The following THSD7B variants were observed in gnomAD, a reference collection of about 807,000 sequenced individuals.
THSD7B encodes thrombospondin type-1 domain-containing protein 7B.
In THSD7B, 138 loss-of-function variants were observed where a neutral mutation model predicts 213.6. That is an observed-to-expected ratio of 0.65 (90% CI 0.56 to 0.74). The LOEUF (loss-of-function observed/expected upper bound fraction) is 0.74. Ranked by LOEUF, THSD7B falls within the 30% of genes least tolerant of loss-of-function variation. THSD7B has a pLI of 0.00. For synonymous variants in THSD7B, 742 were observed against 687.0 expected (o/e 1.08, Z -1.25); for missense variants, 1,931 against 1,991.5 (o/e 0.97, Z 0.58).
intron 15 of THSD7B, among the ~76,000 whole-genome samples, chr2:137,514,289 C>T (rs938149392): frequency 6.6e-6 from 1 of 152,098 alleles, no homozygotes. Context: ...TCCGGGTGGG[C>T]ACCATCTAAT....
At chr2:137,520,222 A>G (rs1397311919) in intron 15 of THSD7B, among the ~76,000 whole-genome samples, 1 of 152,140 alleles carries the variant, frequency 6.6e-6, no homozygotes, top group East Asian at 1.9e-4. Context: ...CTACAGAGGA[A>G]AAAAAAGCTC....
intron 2 of THSD7B, among the ~76,000 whole-genome samples, chr2:137,028,177 G>A (rs988118650): frequency 2.6e-5 from 4 of 152,078 alleles, no homozygotes; most frequent in Non-Finnish European, 5.9e-5. Context: ...CAATGCAGTC[G>A]TCTGGATTCA....
At chr2:137,506,300 A>G (rs1679833524) in intron 15 of THSD7B, among the ~76,000 whole-genome samples, 1 of 152,220 alleles carries the variant, frequency 6.6e-6, no homozygotes, top group African/African-American at 2.4e-5. Context: ...CTCTTCTTCA[A>G]AAACTTCACC....
chr2:137,448,833 C>CAAAAA (rs1341459287), intron 14 of THSD7B, among the ~76,000 whole-genome samples: 1 of 148,976 alleles, frequency 6.7e-6, no homozygotes. Context: ...ACAACAACAA[C>CAAAAA]AACAAAAACT....
rs541633068 is a variant in THSD7B, at chr2:137,583,515, A to G, written c.3423+10959A>G. On this transcript the variant is annotated intron_variant, in intron 17 of 27. Transcript: ENST00000409968. ...AAATCCATCTTGAATTAATTTTTGT[A>G]TAAGGTGTGAGGAAGGGATCCAGTT... Among the ~76,000 whole-genome samples the G allele has an allele frequency of 1.4e-4, 21 of 152,294 alleles. No individual in the cohort carries two copies. The South Asian group carries it at 3.1e-3, about 23-fold the overall frequency.
chr2:136,901,279 GC>G (rs1226164506), intron 2 of THSD7B, among the ~76,000 whole-genome samples: 1 of 152,226 alleles, frequency 6.6e-6, no homozygotes, highest in Admixed American at 6.5e-5. Context: ...TCGGAGGGCT[GC>G]CATTTAATGA....
intron 12 of THSD7B, among the ~76,000 whole-genome samples, chr2:137,279,862 A>G (rs1231083651): frequency 6.6e-6 from 1 of 152,162 alleles, no homozygotes; most frequent in Non-Finnish European, 1.5e-5. Context: ...TTGTAGATGT[A>G]ATTAATTTAA....
intron 12 of THSD7B, among the ~76,000 whole-genome samples, chr2:137,401,937 G>A (rs1043026828): frequency 2.0e-5 from 3 of 152,038 alleles, no homozygotes; most frequent in East Asian, 3.9e-4. Flanking sequence ...CACCAAATCC[G>A]GCGAAGATGC....
chr2:137,181,018 A>C (rs1680443019), intron 7 of THSD7B, among the ~76,000 whole-genome samples: 1 of 152,170 alleles, frequency 6.6e-6, no homozygotes, highest in Non-Finnish European at 1.5e-5. Context: ...GTACAACGAA[A>C]ACATAAAGCC....
At chr2:136,775,056 G>A (rs1006258986) in intron 1 of THSD7B, among the ~76,000 whole-genome samples, 8 of 152,048 alleles carry the variant, frequency 5.3e-5, no homozygotes, top group Middle Eastern at 3.2e-3. Flanking sequence ...TCTACCTATG[G>A]AGATATGACA....
At chr2:137,590,791 A>ATTTTTTTT (rs1573730097) in intron 17 of THSD7B, among the ~76,000 whole-genome samples, 2 of 96,942 alleles carry the variant, frequency 2.1e-5, no homozygotes, top group African/African-American at 7.9e-5. Context: ...GCTTTGAAAT[A>ATTTTTTTT]GTTTTTTTTT....
At chr2:137,385,315 G>A (rs1212362767) in intron 12 of THSD7B, among the ~76,000 whole-genome samples, 1 of 152,234 alleles carries the variant, frequency 6.6e-6, no homozygotes, top group East Asian at 1.9e-4. Flanking sequence ...TGAAATAATT[G>A]CAGTGGAGTG....
intron 14 of THSD7B, among the ~76,000 whole-genome samples, chr2:137,424,996 C>T (rs1037910744): frequency 6.6e-5 from 10 of 151,120 alleles, no homozygotes; most frequent in Admixed American, 3.3e-4. Flanking sequence ...GGCGTGAACC[C>T]GGGAGGCGGA....
At chr2:137,295,945 T>A (rs555962308) in intron 12 of THSD7B, among the ~76,000 whole-genome samples, 4 of 152,258 alleles carry the variant, frequency 2.6e-5, no homozygotes, top group Non-Finnish European at 5.9e-5. Flanking sequence ...CTGACCTCTT[T>A]CACTCACAGA....
At chr2:137,543,090 A>G (rs866600661) in intron 15 of THSD7B, among the ~76,000 whole-genome samples, 2 of 151,716 alleles carry the variant, frequency 1.3e-5, no homozygotes, top group African/African-American at 4.8e-5. Flanking sequence ...CACTTTTAGA[A>G]GCTGCCAGTG....
At chr2:137,361,222 G>A (rs1225106164) in intron 12 of THSD7B, among the ~76,000 whole-genome samples, 1 of 152,086 alleles carries the variant, frequency 6.6e-6, no homozygotes, top group African/African-American at 2.4e-5. Flanking sequence ...AACCCCATCT[G>A]TACGTCACCA....
intron 12 of THSD7B, among the ~76,000 whole-genome samples, chr2:137,337,450 G>A (rs1310422519): frequency 1.3e-5 from 2 of 152,102 alleles, no homozygotes; most frequent in Admixed American, 1.3e-4. Flanking sequence ...CGAATCAGAA[G>A]TTACATGATA....
At chr2:137,071,451 A>G (rs1687486823) in intron 3 of THSD7B, among the ~76,000 whole-genome samples, 1 of 151,990 alleles carries the variant, frequency 6.6e-6, no homozygotes, top group Non-Finnish European at 1.5e-5. Flanking sequence ...TAGATTCTGG[A>G]TATTAGCCCT....
At chr2:136,821,185 A>G (rs921104096) in intron 1 of THSD7B, among the ~76,000 whole-genome samples, 3 of 150,732 alleles carry the variant, frequency 2.0e-5, no homozygotes, top group African/African-American at 7.3e-5. Context: ...TTACAGAGTC[A>G]CGTATTTACA....
Sources: allele counts gnomAD v4.1 joint callset (sites outside exome capture counted in the v4.1 genomes callset), GRCh38; gene constraint gnomAD v4.1.1; transcripts MANE v1.5; gene names NCBI Gene and HGNC (gene_info 2026-07-23, HGNC 2026-07-21).